Variants in UBE3D observed in about 807,000 individuals in gnomAD.
The protein encoded by UBE3D is ubiquitin protein ligase E3D.
Under a neutral mutation model 49.6 loss-of-function variants are expected in UBE3D, and 48 were observed. The ratio of observed to expected loss-of-function variants is 0.97; its 90% CI spans 0.77 to 1.23. The LOEUF (loss-of-function observed/expected upper bound fraction) is 1.23. UBE3D is among the 50% of genes most tolerant of loss of function. The probability of loss-of-function intolerance (pLI) is 0.00; values close to 1 mark genes in which losing one functional copy is unlikely to be tolerated. For missense variants in UBE3D, 452 were observed against 468.4 expected, an observed-to-expected ratio of 0.96 and a Z score of 0.32; for synonymous variants, 189 against 174.2, an observed-to-expected ratio of 1.08 and a Z score of -0.67.
intron 5 of UBE3D, among the ~76,000 whole-genome samples, chr6:83,024,570 G>C (rs1781319126): frequency 6.6e-6 from 1 of 152,052 alleles, no homozygotes; most frequent in South Asian, 2.1e-4. Context: ...CTGGAATTCG[G>C]GAATAATCAC....
chr6:83,002,554 G>T (rs143126329), intron 8 of UBE3D, among the ~76,000 whole-genome samples: 4 of 152,124 alleles, frequency 2.6e-5, no homozygotes, highest in Admixed American at 6.5e-5. Context: ...GCGTGGTAGC[G>T]GGCACCTGTA....
At chr6:83,001,838 A>G (rs1308863596) in intron 8 of UBE3D, among the ~76,000 whole-genome samples, 1 of 152,232 alleles carries the variant, frequency 6.6e-6, no homozygotes, top group Non-Finnish European at 1.5e-5. Context: ...TTTCCAAGTC[A>G]TAACTTTGCC....
intron 9 of UBE3D, among the ~76,000 whole-genome samples, chr6:82,907,707 C>T (rs568940557): frequency 2.0e-5 from 3 of 152,262 alleles, no homozygotes; most frequent in East Asian, 1.9e-4. Context: ...GATGAAGACA[C>T]GGAACAGCCG....
intron 8 of UBE3D, among the ~76,000 whole-genome samples, chr6:82,972,710 A>G (rs552568867): frequency 2.2e-4 from 33 of 152,324 alleles, no homozygotes; most frequent in African/African-American, 7.7e-4. Context: ...TTGTTGTACC[A>G]TTTATGTTGC....
intron 2 of UBE3D, 151 bp downstream of exon 2, chr6:83,057,675 T>C (rs1783897068): frequency 9.9e-6 from 7 of 704,944 alleles, no homozygotes; most frequent in South Asian, 9.3e-5. Flanking sequence ...ACATGTTCAA[T>C]TGCATACAGC....
At chr6:82,942,429 G>A (rs1293845516) in intron 9 of UBE3D, among the ~76,000 whole-genome samples, 3 of 152,220 alleles carry the variant, frequency 2.0e-5, no homozygotes, top group African/African-American at 7.2e-5. Context: ...AAGATACAAG[G>A]AGCAGAATGT....
intron 9 of UBE3D, among the ~76,000 whole-genome samples, chr6:82,935,154 T>C (rs1220441590): frequency 1.3e-5 from 2 of 150,138 alleles, no homozygotes. Context: ...TTCTAGGGAG[T>C]CTTCAGGAAG....
At chr6:82,985,054 G>C (rs1451829608) in intron 8 of UBE3D, among the ~76,000 whole-genome samples, 2 of 101,820 alleles carry the variant, frequency 2.0e-5, no homozygotes, top group Non-Finnish European at 3.6e-5. Flanking sequence ...GTTTTGCTGT[G>C]TTGCCCAGGC....
At chr6:82,888,124 A>T (rs1185746217), downstream of UBE3D, among the ~76,000 whole-genome samples, 8 of 151,930 alleles carry the variant, frequency 5.3e-5, no homozygotes, top group African/African-American at 1.7e-4. Flanking sequence ...TTTCTTTCCC[A>T]GTTTCAATCT....
At chr6:83,034,793 C>G (rs767647146) in intron 5 of UBE3D, among the ~76,000 whole-genome samples, 1 of 152,098 alleles carries the variant, frequency 6.6e-6, no homozygotes, top group Non-Finnish European at 1.5e-5. Context: ...ACAAATTACC[C>G]AGTCTCAAGT....
chr6:83,039,274 G>A (rs576565562), intron 4 of UBE3D, among the ~76,000 whole-genome samples: 13 of 152,330 alleles, frequency 8.5e-5, no homozygotes, highest in Admixed American at 8.5e-4. Flanking sequence ...ATACTCCAGG[G>A]TACCTTTCCT....
intron 9 of UBE3D, chr6:82,938,656 A>C (rs1774772837): frequency 6.6e-6 from 1 of 152,188 alleles, no homozygotes; most frequent in South Asian, 2.1e-4. Context: ...GTTATAATTA[A>C]AATTCTTTCA....
At chr6:82,887,389 G>GTTTTTGTTTTGTTTTGTTTTT in the UBE3D span, among the ~76,000 whole-genome samples, 27 of 98,324 alleles carry the variant, frequency 2.7e-4, 2 homozygotes, top group African/African-American at 1.2e-3. Context: ...GACAGTAACA[G>GTTTTTGTTTTGTTTTGTTTTT]TTTTTTTTTT....
chr6:83,016,044 G>A (rs1780675025), intron 8 of UBE3D, among the ~76,000 whole-genome samples: 1 of 152,164 alleles, frequency 6.6e-6, no homozygotes, highest in Non-Finnish European at 1.5e-5. Flanking sequence ...GATGCCTGGT[G>A]AGGCTGTGCA....
intron 5 of UBE3D, chr6:83,032,270 C>T (rs1781932346): frequency 2.2e-6 from 1 of 455,404 alleles, no homozygotes; most frequent in South Asian, 1.6e-5. Context: ...CAGAGCTGTT[C>T]AAGGCCATGG....
chr6:82,924,420 C>T (rs534348848), intron 9 of UBE3D, among the ~76,000 whole-genome samples: 2 of 152,206 alleles, frequency 1.3e-5, no homozygotes, highest in East Asian at 1.9e-4. Context: ...ATCTTTACTA[C>T]AGAACAATTT....
intron 1 of UBE3D, among the ~76,000 whole-genome samples, chr6:83,059,993 C>T (rs1008499099): frequency 3.3e-5 from 5 of 152,156 alleles, no homozygotes; most frequent in African/African-American, 1.2e-4. Flanking sequence ...GTGGCTTAAA[C>T]AACAGACATG....
chr6:82,933,407 T>C (rs754390134), intron 9 of UBE3D, among the ~76,000 whole-genome samples: 29 of 152,190 alleles, frequency 1.9e-4, no homozygotes, highest in East Asian at 5.8e-4. Context: ...TAAAAGTAAA[T>C]ACACAGTCAC....
rs1781289085 is a variant in UBE3D, at chr6:83,024,139, T to C, written c.668-101A>G. On this transcript the variant is annotated intron_variant, in intron 5 of 9. Coordinates refer to ENST00000369747, the MANE Select transcript of UBE3D (RefSeq NM_198920.3). ...AGGATATTCCAAACTAAATATTAAA[T>C]ATACTGGTAAAATTAATATTCTGTA... The C allele has an allele frequency of 1.8e-5, 10 of 560,918 alleles. No individual in the cohort carries two copies. In the East Asian group the frequency reaches 3.0e-4, roughly 17 times the overall value. 34.7% of individuals were successfully genotyped at this position (560,918 alleles called of 1,614,324 possible). A position where few individuals can be genotyped will look rare whatever the true frequency, so the allele number is the denominator to read the frequency against.
Sources: gnomAD v4.1 joint callset for allele counts (sites outside exome capture counted in the v4.1 genomes callset) on GRCh38, gnomAD v4.1.1 for gene constraint, MANE v1.5 for transcripts, NCBI Gene and HGNC (gene_info 2026-07-23, HGNC 2026-07-21) for gene names.